The following SNAPC1 variants were observed in gnomAD, a reference collection of about 807,000 sequenced individuals.
SNAPC1 encodes the protein snRNA-activating protein complex subunit 1.
A neutral mutation model predicts 50.1 loss-of-function variants in SNAPC1; 42 were observed. That is an observed-to-expected ratio of 0.84 (90% CI 0.65 to 1.08). SNAPC1 has a LOEUF of 1.08. Among genes scored for constraint, SNAPC1 ranks in the 50% least tolerant of loss-of-function variants. The pLI, the probability that SNAPC1 is intolerant of heterozygous loss-of-function variation, is 0.00. For synonymous variants in SNAPC1, 164 were observed against 144.2 expected, an observed-to-expected ratio of 1.14 and a Z score of -0.98; for missense variants, 477 against 427.3, an observed-to-expected ratio of 1.12 and a Z score of -1.02.
At chr14:61,773,027 A>G (rs1210873086) in intron 4 of SNAPC1, among the ~76,000 whole-genome samples, 1 of 152,174 alleles carries the variant, frequency 6.6e-6, no homozygotes, top group Non-Finnish European at 1.5e-5. Context: ...ATTCTCACTG[A>G]TAATTCTTAA....
At chr14:61,767,469 CT>C (rs372976345) in intron 3 of SNAPC1, 117 bp downstream of exon 3, 67,172 of 440,322 alleles carry the variant, frequency 0.15, no homozygotes, top group East Asian at 0.22. Flanking sequence ...AGACTTTTAG[CT>C]TTTTTTTTTT....
intron 4 of SNAPC1, among the ~76,000 whole-genome samples, chr14:61,775,017 G>A (rs1187488674): frequency 6.6e-6 from 1 of 152,046 alleles, no homozygotes; most frequent in Non-Finnish European, 1.5e-5. Flanking sequence ...GAAATGAATT[G>A]AGTGGTCTGA....
intron 8 of SNAPC1, among the ~76,000 whole-genome samples, chr14:61,788,450 T>C (rs1164630570): frequency 2.6e-5 from 4 of 152,174 alleles, no homozygotes; most frequent in African/African-American, 9.7e-5. Context: ...TTTGCACATA[T>C]GATACTATTA....
Position 61,795,981 on chromosome 14 carries a change from A to G in SNAPC1, c.*998A>G, listed in dbSNP as rs2045186909. ...AGTACTGGGATTATAGGTGTGAGCT[A>G]CTGTACCCAGCCTTAACCTGTTTCA... On this transcript the variant is annotated 3_prime_UTR_variant, in exon 10 of 10. Transcript: ENST00000216294. The G allele has an allele frequency of 6.6e-6, 1 of 152,038 alleles. No homozygotes were observed. The highest frequency in any genetic ancestry group is 2.4e-5 in the African/African-American group (1 of 41,376). The allele number at this position is 152,038 out of a possible 1,614,324, so 9.4% of individuals were successfully genotyped here.
intron 7 of SNAPC1, among the ~76,000 whole-genome samples, chr14:61,780,646 C>G (rs1409296376): frequency 6.6e-6 from 1 of 152,098 alleles, no homozygotes; most frequent in Non-Finnish European, 1.5e-5. Context: ...TCTGTTTACT[C>G]TGTTGTTTCT....
chr14:61,782,955 C>G (rs538919322), intron 8 of SNAPC1, among the ~76,000 whole-genome samples: 9 of 150,416 alleles, frequency 6.0e-5, no homozygotes, highest in Non-Finnish European at 1.2e-4. Context: ...AATAACTTGT[C>G]TAAAGTGATA....
At chr14:61,765,105 T>C (rs561058507) in intron 1 of SNAPC1, among the ~76,000 whole-genome samples, 1 of 152,364 alleles carries the variant, frequency 6.6e-6, no homozygotes, top group South Asian at 2.1e-4. Flanking sequence ...AGGTCTTACA[T>C]AGAAACCTAT....
chr14:61,762,433 C>A lies in SNAPC1; in HGVS notation c.-28C>A, dbSNP rs770265102. ...GGCTAGTCCGTTAGAGGCGTGCGGG[C>A]TTCGGAGGCGTGCGGGCTTCGGGTG... On this transcript the variant is annotated 5_prime_UTR_variant, in exon 1 of 10. Transcript: ENST00000216294. 3 of 1,606,826 alleles carry A rather than the reference C, an allele frequency of 1.9e-6. No individual in the cohort carries two copies. The highest frequency in any genetic ancestry group is 2.5e-6 in the Non-Finnish European group (3 of 1,177,982).
chr14:61,765,707 C>A (rs1019555299), intron 1 of SNAPC1, among the ~76,000 whole-genome samples: 1 of 152,124 alleles, frequency 6.6e-6, no homozygotes, highest in Non-Finnish European at 1.5e-5. Flanking sequence ...CCTTAGTGAT[C>A]TTGGGTGCCC....
chr14:61,768,772 T>A, intron 4 of SNAPC1, 32 bp downstream of exon 4: 1 of 1,231,248 alleles, frequency 8.1e-7, no homozygotes, highest in Non-Finnish European at 1.2e-6. Flanking sequence ...TGAAAATTTT[T>A]AAAAATTGTT....
chr14:61,785,051 A>G (rs929179872), intron 8 of SNAPC1, among the ~76,000 whole-genome samples: 6 of 152,234 alleles, frequency 3.9e-5, no homozygotes, highest in African/African-American at 7.2e-5. Flanking sequence ...AAAATTATAA[A>G]TAATTTTATG....
chr14:61,765,505 C>T (rs2044940406), intron 1 of SNAPC1, among the ~76,000 whole-genome samples: 1 of 152,138 alleles, frequency 6.6e-6, no homozygotes, highest in Non-Finnish European at 1.5e-5. Flanking sequence ...GAAGCAAAGG[C>T]AGGAAGACTG....
intron 8 of SNAPC1, among the ~76,000 whole-genome samples, chr14:61,783,751 G>T (rs567146923): frequency 8.6e-5 from 13 of 151,946 alleles, no homozygotes; most frequent in Non-Finnish European, 1.8e-4. Flanking sequence ...TGTTGGCCAG[G>T]CTGGTCTTGA....
At chr14:61,785,419 A>G (rs1471785842) in intron 8 of SNAPC1, among the ~76,000 whole-genome samples, 1 of 152,158 alleles carries the variant, frequency 6.6e-6, no homozygotes, top group African/African-American at 2.4e-5. Context: ...TCAAAAAAAA[A>G]AGAGAGAGAC....
chr14:61,770,795 C>T (rs1036302163), intron 4 of SNAPC1, among the ~76,000 whole-genome samples: 1 of 151,824 alleles, frequency 6.6e-6, no homozygotes, highest in African/African-American at 2.4e-5. Context: ...AGTGCAGTGG[C>T]GCAATTTTGG....
intron 5 of SNAPC1, among the ~76,000 whole-genome samples, chr14:61,777,611 A>T (rs76464505): frequency 1.6e-4 from 18 of 109,612 alleles, no homozygotes; most frequent in South Asian, 4.2e-4. Context: ...TTTAGTTTTA[A>T]TTTTTTTTTT....
rs545772951 is a variant in SNAPC1, at chr14:61,771,988, C to G, written c.534+3248C>G. Among the ~76,000 whole-genome samples, 4 of 152,210 alleles carry G rather than the reference C, an allele frequency of 2.6e-5. No individual in the cohort carries two copies. In the Middle Eastern group the frequency reaches 0.01, roughly 388 times the overall value. On this transcript the variant is annotated intron_variant, in intron 4 of 9. Transcript: ENST00000216294. The stretch of plus-strand genomic sequence containing the variant: ...CGGGATACCAGAAAGTTGAGAAATG[C>G]TGATGTGAATCATGAAGAGAGAGGC...
At chr14:61,766,810 C>CT in intron 1 of SNAPC1, 66 bp from the exon 2 acceptor site, 1 of 911,122 alleles carries the variant, frequency 1.1e-6, no homozygotes, top group Non-Finnish European at 1.7e-6. Context: ...CAAGTATATA[C>CT]TTTTGGCTTT....
At chr14:61,778,694 G>A (rs1297185180) in intron 6 of SNAPC1, among the ~76,000 whole-genome samples, 154 bp from the exon 7 acceptor site, 1 of 152,210 alleles carries the variant, frequency 6.6e-6, no homozygotes, top group Non-Finnish European at 1.5e-5. Context: ...GTATGTTTAT[G>A]TGTGTGTACT....
Sources: allele counts gnomAD v4.1 joint callset (sites outside exome capture counted in the v4.1 genomes callset), GRCh38; gene constraint gnomAD v4.1.1; transcripts MANE v1.5; gene names NCBI Gene and HGNC (gene_info 2026-07-23, HGNC 2026-07-21).